MDGA2: variants seen among roughly 807,000 people sequenced by gnomAD.
The protein encoded by MDGA2 is MAM domain containing glycosylphosphatidylinositol anchor 2, also known as MAM domain-containing glycosylphosphatidylinositol anchor protein 2.
MDGA2 carries 40 observed loss-of-function variants against 117.8 expected under a neutral mutation model. The observed-to-expected ratio is 0.34, with a 90% CI of 0.26 to 0.44. The LOEUF (loss-of-function observed/expected upper bound fraction) is 0.44, where lower values mean the gene tolerates loss of function less well. Among genes scored for constraint, MDGA2 ranks in the 20% least tolerant of loss-of-function variants. The pLI, the probability that MDGA2 is intolerant of heterozygous loss-of-function variation, is 1.00. For synonymous variants in MDGA2, 452 were observed against 439.0 expected, an observed-to-expected ratio of 1.03 and a Z score of -0.37; for missense variants, 1,123 against 1,250.6, an observed-to-expected ratio of 0.90 and a Z score of 1.54.
At chr14:47,377,418 C>A (rs1026005125) in intron 1 of MDGA2, among the ~76,000 whole-genome samples, 3 of 152,106 alleles carry the variant, frequency 2.0e-5, no homozygotes, top group African/African-American at 7.2e-5. Flanking sequence ...TGGGGCATCG[C>A]CTCATCCGGG....
In MDGA2 at chr14:47,477,484, C is replaced by T. The variant is rs147367205; in HGVS notation, c.281-175934G>A. ...CTCAACCAGAGTCCATACGCTGATT[C>T]TTCTGATTTTGCCAAGTCCTTACCC... On this transcript the variant is annotated intron_variant, in intron 1 of 16. Coordinates refer to ENST00000399232, the MANE Select transcript of MDGA2 (RefSeq NM_001113498.3). 5.2e-4 allele frequency among the ~76,000 whole-genome samples: 79 copies of T among 152,276 alleles called. 1 individual carries two copies. Among genetic ancestry groups the T allele is most frequent in the African/African-American group, 1.8e-3 (74 of 41,568 alleles).
At chr14:47,084,138 A>G (rs546951383) in intron 6 of MDGA2, among the ~76,000 whole-genome samples, 20 of 152,194 alleles carry the variant, frequency 1.3e-4, no homozygotes, top group Non-Finnish European at 2.5e-4. Context: ...CCCATGGAAC[A>G]TAGGATAGAC....
chr14:47,675,374 G>A lies in MDGA2; in HGVS notation c.-578C>T, dbSNP rs1363059421. On this transcript the variant is annotated 5_prime_UTR_variant, in exon 1 of 17. Transcript: ENST00000399232. ...AGAGGAGGAGTGGGGCTAGGGGAAC[G>A]GGGGTGGGGAAGAGGGAAGGGAGGA... Among the ~76,000 whole-genome samples, 2 of 151,906 alleles carry A rather than the reference G, an allele frequency of 1.3e-5. No homozygotes were observed. The highest frequency in any genetic ancestry group is 2.4e-5 in the African/African-American group (1 of 41,362).
chr14:47,111,134 A>C (rs1881013848), intron 5 of MDGA2, among the ~76,000 whole-genome samples: 1 of 152,124 alleles, frequency 6.6e-6, no homozygotes, highest in African/African-American at 2.4e-5. Context: ...TAACTCATTT[A>C]ATTATAGGAG....
chr14:47,138,537 AT>A (rs1882565345), intron 4 of MDGA2, among the ~76,000 whole-genome samples: 1 of 152,152 alleles, frequency 6.6e-6, no homozygotes, highest in Non-Finnish European at 1.5e-5. Context: ...CAATACATAT[AT>A]TTAACTTTTG....
intron 1 of MDGA2, among the ~76,000 whole-genome samples, chr14:47,502,464 AGCCAGAGAAAT>A: frequency 6.6e-6 from 1 of 152,170 alleles, no homozygotes; most frequent in African/African-American, 2.4e-5. Flanking sequence ...CAAAGAACCT[AGCCAGAGAAAT>A]GCCACTCATC....
chr14:47,325,294 T>G (rs986008209), intron 1 of MDGA2, among the ~76,000 whole-genome samples: 2 of 152,120 alleles, frequency 1.3e-5, no homozygotes. Flanking sequence ...ATTTATCCCA[T>G]AGGAGATATC....
intron 1 of MDGA2, among the ~76,000 whole-genome samples, chr14:47,400,731 T>TC (rs1201029067): frequency 1.5e-4 from 22 of 143,184 alleles, no homozygotes; most frequent in African/African-American, 4.8e-4. Context: ...AGGCTTTTTT[T>TC]TTTTTCTTTT....
intron 1 of MDGA2, among the ~76,000 whole-genome samples, chr14:47,594,738 G>A (rs945724134): frequency 5.1e-4 from 77 of 152,212 alleles, no homozygotes; most frequent in African/African-American, 1.8e-3. Context: ...CCACTGCGAG[G>A]TGCCATGCAC....
At position 47,285,156 on chromosome 14, in the gene MDGA2, C is replaced by T. The variant is rs193253145; in HGVS notation, c.420+16255G>A. 2.1e-3 allele frequency among the ~76,000 whole-genome samples: 315 copies of T among 152,238 alleles called. 2 individuals are homozygous for T. The highest frequency in any genetic ancestry group is 3.8e-4 in the Non-Finnish European group (26 of 68,008). The stretch of plus-strand genomic sequence containing the variant: ...CACCCATGCATCCTATTTCATGCAT[C>T]CAAATTCTCTCTGCCTCTAAAGGAA... On this transcript the variant is annotated intron_variant, in intron 2 of 16. Coordinates refer to ENST00000399232, the MANE Select transcript of MDGA2 (RefSeq NM_001113498.3).
intron 1 of MDGA2, among the ~76,000 whole-genome samples, chr14:47,543,282 T>C (rs1316400968): frequency 6.6e-6 from 1 of 151,850 alleles, no homozygotes; most frequent in Admixed American, 6.6e-5. Context: ...GCACGCACTC[T>C]AAAAAAACAA....
At chr14:47,223,716 T>A (rs1355881817) in intron 2 of MDGA2, among the ~76,000 whole-genome samples, 1 of 152,172 alleles carries the variant, frequency 6.6e-6, no homozygotes, top group East Asian at 1.9e-4. Context: ...ATTTCAGATA[T>A]GCTATTGTAT....
intron 8 of MDGA2, among the ~76,000 whole-genome samples, chr14:47,010,958 A>C (rs917933705): frequency 6.6e-6 from 1 of 151,944 alleles, no homozygotes; most frequent in African/African-American, 2.4e-5. Flanking sequence ...ATTAATATCC[A>C]TTTGCAGTAA....
chr14:46,872,936 G>A (rs1882070257), intron 14 of MDGA2, among the ~76,000 whole-genome samples: 1 of 151,810 alleles, frequency 6.6e-6, no homozygotes, highest in Admixed American at 6.6e-5. Context: ...TGTATGCTGT[G>A]CAGGACCTAG....
intron 7 of MDGA2, among the ~76,000 whole-genome samples, chr14:47,039,264 A>G (rs1293955881): frequency 6.6e-6 from 1 of 152,138 alleles, no homozygotes; most frequent in Non-Finnish European, 1.5e-5. Flanking sequence ...CCTAAGCACC[A>G]TTTTATTTCT....
chr14:47,031,835 G>A (rs1486996760), intron 8 of MDGA2, among the ~76,000 whole-genome samples: 8 of 152,150 alleles, frequency 5.3e-5, no homozygotes, highest in Admixed American at 4.6e-4. Flanking sequence ...GCCATGTGAT[G>A]TGCAAGCTCC....
intron 2 of MDGA2, among the ~76,000 whole-genome samples, chr14:47,240,123 C>A (rs1338737865): frequency 1.3e-5 from 2 of 151,744 alleles, no homozygotes; most frequent in Non-Finnish European, 3.0e-5. Flanking sequence ...CGGCTCCCTG[C>A]AACTTCTGCC....
chr14:47,495,263 C>A, intron 1 of MDGA2, among the ~76,000 whole-genome samples: 1 of 151,916 alleles, frequency 6.6e-6, no homozygotes, highest in Non-Finnish European at 1.5e-5. Flanking sequence ...CTGGCGACTT[C>A]AAAAGGTAGG....
At position 47,006,016 on chromosome 14, in the gene MDGA2, C is replaced by A. The variant is rs370227544; in HGVS notation, c.1819+28995G>T. 1.3e-4 allele frequency among the ~76,000 whole-genome samples: 19 copies of A among 151,608 alleles called. No individual in the cohort carries two copies. The East Asian group carries it at 2.5e-3, about 20-fold the overall frequency. ...ACTTTTCAGAATGTTTTCTGAGAAC[C>A]ACTAGTTTATCTGGAGTCCTATGTT... On this transcript the variant is annotated intron_variant, in intron 8 of 16. Transcript: ENST00000399232.
Sources: gnomAD v4.1 joint callset for allele counts (sites outside exome capture counted in the v4.1 genomes callset) on GRCh38, gnomAD v4.1.1 for gene constraint, MANE v1.5 for transcripts, NCBI Gene and HGNC (gene_info 2026-07-23, HGNC 2026-07-21) for gene names.